The following NMNAT3 variants were observed in gnomAD, a reference collection of about 807,000 sequenced individuals.
NMNAT3 encodes the protein nicotinamide/nicotinic acid mononucleotide adenylyltransferase 3.
A neutral mutation model predicts 24.8 loss-of-function variants in NMNAT3; 21 were observed. The observed-to-expected ratio is 0.85, with a 90% CI of 0.60 to 1.22. The LOEUF (loss-of-function observed/expected upper bound fraction) is 1.22, where lower values mean the gene tolerates loss of function less well. NMNAT3 is among the 50% of genes most tolerant of loss of function. The probability of loss-of-function intolerance (pLI) is 0.00; values close to 1 mark genes in which losing one functional copy is unlikely to be tolerated. For synonymous variants in NMNAT3, 136 were observed against 155.2 expected (o/e 0.88, Z 0.92); for missense variants, 387 against 436.6 (o/e 0.89, Z 1.01).
chr3:139,645,368 A>G (rs1008937730), intron 1 of NMNAT3, among the ~76,000 whole-genome samples: 4 of 152,166 alleles, frequency 2.6e-5, no homozygotes, highest in African/African-American at 4.8e-5. Flanking sequence ...AATGTGGGGG[A>G]AAATAATGCC....
chr3:139,633,116 G>A (rs1027245084), intron 2 of NMNAT3, among the ~76,000 whole-genome samples: 17 of 152,188 alleles, frequency 1.1e-4, no homozygotes, highest in East Asian at 3.9e-4. Context: ...GAAGGAACGC[G>A]GACCCCTTCA....
intron 5 of NMNAT3, chr3:139,575,612 C>A (rs922421830): frequency 7.5e-5 from 76 of 1,010,436 alleles, no homozygotes; most frequent in Non-Finnish European, 8.8e-5. Flanking sequence ...GTTGACCCTA[C>A]TTTGAATATT....
chr3:139,611,474 T>C (rs549618829), intron 3 of NMNAT3, among the ~76,000 whole-genome samples: 1 of 152,286 alleles, frequency 6.6e-6, no homozygotes, highest in Non-Finnish European at 1.5e-5. Flanking sequence ...TTGTTCAAGG[T>C]CATACAGCAA....
In NMNAT3 at chr3:139,627,670, T is replaced by C; in HGVS notation, c.55A>G (p.Thr19Ala). The change falls in exon 3 of 7, where the codon ACC (threonine) becomes GCC (alanine). Residue 19 changes from threonine to alanine, a missense_variant. Thr to Ala is a moderately conservative substitution (Grantham distance 58). Transcript: ENST00000643695. ...TCAAACATGCGCAGGTGCATGTTGG[T>C]GATGGGGTTAAAGGAGCCACAGGCC... 1 of 1,596,276 alleles carries C rather than the reference T, an allele frequency of 6.3e-7. No homozygotes were observed. The highest frequency in any genetic ancestry group is 2.2e-5 in the East Asian group (1 of 44,752).
At chr3:139,585,408 T>C (rs1343259734) in intron 3 of NMNAT3, among the ~76,000 whole-genome samples, 1 of 152,218 alleles carries the variant, frequency 6.6e-6, no homozygotes, top group Non-Finnish European at 1.5e-5. Context: ...TAGATATAAA[T>C]ACTACTTTTA....
chr3:139,623,257 C>T (rs2055884381), intron 3 of NMNAT3, among the ~76,000 whole-genome samples: 1 of 152,046 alleles, frequency 6.6e-6, no homozygotes, highest in African/African-American at 2.4e-5. Flanking sequence ...TACAAACACA[C>T]AGATTAGCCA....
At chr3:139,580,903 TACA>T (rs892945999) in intron 4 of NMNAT3, among the ~76,000 whole-genome samples, 3 of 152,156 alleles carry the variant, frequency 2.0e-5, no homozygotes, top group African/African-American at 7.2e-5. Flanking sequence ...CCTAATTTGA[TACA>T]ACAATAAAGT....
intron 1 of NMNAT3, among the ~76,000 whole-genome samples, chr3:139,659,764 A>T (rs2057356846): frequency 6.6e-6 from 1 of 152,238 alleles, no homozygotes; most frequent in East Asian, 1.9e-4. Flanking sequence ...CCTTTCATGT[A>T]ATTGGTCAAA....
At chr3:139,648,464 G>A (rs1480657313) in intron 1 of NMNAT3, among the ~76,000 whole-genome samples, 1 of 152,132 alleles carries the variant, frequency 6.6e-6, no homozygotes, top group Non-Finnish European at 1.5e-5. Context: ...GGAGGCTGAA[G>A]GCATGAGAAA....
chr3:139,663,207 C>T (rs756552916), intron 1 of NMNAT3, among the ~76,000 whole-genome samples: 1 of 152,206 alleles, frequency 6.6e-6, no homozygotes, highest in Non-Finnish European at 1.5e-5. Flanking sequence ...GCTTCCAAGC[C>T]AGCAATGGGC....
chr3:139,673,617 G>A (rs372079736), intron 1 of NMNAT3, among the ~76,000 whole-genome samples: 1 of 152,078 alleles, frequency 6.6e-6, no homozygotes, highest in Non-Finnish European at 1.5e-5. Context: ...CTTCAGGAGA[G>A]TTAAGCCAGT....
intron 3 of NMNAT3, among the ~76,000 whole-genome samples, chr3:139,610,442 A>C (rs987100091): frequency 5.3e-5 from 8 of 152,254 alleles, no homozygotes; most frequent in African/African-American, 1.7e-4. Flanking sequence ...CTCACATGAT[A>C]TGAAAAAAAA....
chr3:139,671,157 A>G (rs750406559), intron 1 of NMNAT3, among the ~76,000 whole-genome samples: 64 of 152,272 alleles, frequency 4.2e-4, no homozygotes, highest in Non-Finnish European at 1.3e-4. Flanking sequence ...AGCTTGATAT[A>G]TGAAAAAGGT....
At chr3:139,583,445 G>A (rs979650259) in intron 3 of NMNAT3, 2 of 1,599,368 alleles carry the variant, frequency 1.3e-6, no homozygotes, top group Admixed American at 1.7e-5. Context: ...ACTTTGCTGA[G>A]CTTTTTGAAG....
At chr3:139,612,820 A>C (rs532527382) in intron 3 of NMNAT3, among the ~76,000 whole-genome samples, 1 of 152,334 alleles carries the variant, frequency 6.6e-6, no homozygotes, top group African/African-American at 2.4e-5. Context: ...AGCCCTCAGA[A>C]ATAATGCCAC....
intron 3 of NMNAT3, among the ~76,000 whole-genome samples, chr3:139,599,939 G>T (rs2108213652): frequency 6.6e-6 from 1 of 152,314 alleles, no homozygotes; most frequent in African/African-American, 2.4e-5. Context: ...CCAAAATGGA[G>T]CCTAGCCCTC....
chr3:139,668,035 GGT>G (rs1313321274), intron 1 of NMNAT3, among the ~76,000 whole-genome samples: 12 of 152,218 alleles, frequency 7.9e-5, no homozygotes, highest in South Asian at 4.1e-4. Flanking sequence ...TTACAAACCA[GGT>G]GTGTGAATGA....
In NMNAT3 at chr3:139,666,926, T is replaced by C. The variant is rs2108444088; in HGVS notation, c.-141+10779A>G. Among the ~76,000 whole-genome samples the C allele has an allele frequency of 1.3e-5, 2 of 152,350 alleles. 1 individual carries two copies. Among genetic ancestry groups the C allele is most frequent in the South Asian group, 4.1e-4 (2 of 4,832 alleles). ...TGCAAATGACAGAATTTCATTCTTTTTTATGGCCAAATAATGTATCATTAT... is the reference window on the plus strand; with the variant it reads ...TGCAAATGACAGAATTTCATTCTTTCTTATGGCCAAATAATGTATCATTAT... On this transcript the variant is annotated intron_variant, in intron 1 of 6. Transcript: ENST00000643695.
At chr3:139,640,530 C>T (rs1023351101) in intron 1 of NMNAT3, among the ~76,000 whole-genome samples, 13 of 152,128 alleles carry the variant, frequency 8.5e-5, no homozygotes, top group African/African-American at 3.1e-4. Flanking sequence ...AAACAAGCTG[C>T]CATTACTACC....
Sources: allele counts gnomAD v4.1 joint callset (sites outside exome capture counted in the v4.1 genomes callset), GRCh38; gene constraint gnomAD v4.1.1; transcripts MANE v1.5; gene names NCBI Gene and HGNC (gene_info 2026-07-23, HGNC 2026-07-21).